ZBBX: variants seen among roughly 807,000 people sequenced by gnomAD.
The protein encoded by ZBBX is zinc finger B-box domain-containing protein 1.
In ZBBX, 101 loss-of-function variants were observed where a neutral mutation model predicts 108.5. The ratio of observed to expected loss-of-function variants is 0.93; its 90% CI spans 0.79 to 1.10. The LOEUF (loss-of-function observed/expected upper bound fraction) is 1.10, where lower values mean the gene tolerates loss of function less well. Ranked by LOEUF, ZBBX falls within the 50% of genes least tolerant of loss-of-function variation. The pLI is 0.00. For synonymous variants in ZBBX, 356 were observed against 323.4 expected (o/e 1.10, Z -1.08); for missense variants, 1,009 against 941.4 (o/e 1.07, Z -0.94).
chr3:167,366,924 C>T (rs773294016), intron 5 of ZBBX: 9 of 455,924 alleles, frequency 2.0e-5, no homozygotes, highest in South Asian at 1.4e-4. Flanking sequence ...ACTTTGTCAT[C>T]CTGGATGACA....
the ZBBX span, among the ~76,000 whole-genome samples, chr3:167,230,378 C>T: frequency 6.6e-6 from 1 of 151,684 alleles, no homozygotes; most frequent in Admixed American, 6.6e-5. Context: ...CATATGCCAT[C>T]AGGAAACATA....
intron 10 of ZBBX, among the ~76,000 whole-genome samples, chr3:167,333,287 T>C (rs1256963537): frequency 6.6e-6 from 1 of 152,072 alleles, no homozygotes; most frequent in Non-Finnish European, 1.5e-5. Context: ...AAATTTGAAG[T>C]TCATTTCTTG....
At chr3:167,295,750 TATATATATAAAA>T (rs199570374) in intron 18 of ZBBX, among the ~76,000 whole-genome samples, 5,108 of 21,160 alleles carry the variant, frequency 0.24, 778 homozygotes, top group African/African-American at 0.39. Flanking sequence ...TATATATATA[TATATATATAAAA>T]AAAACTAGTA....
At chr3:167,374,722 A>G (rs1746677137) in intron 2 of ZBBX, among the ~76,000 whole-genome samples, 1 of 152,208 alleles carries the variant, frequency 6.6e-6, no homozygotes, top group African/African-American at 2.4e-5. Flanking sequence ...CTAAATATAA[A>G]AGCCATAAAA....
chr3:167,326,678 G>A (rs1737432207), intron 11 of ZBBX, among the ~76,000 whole-genome samples: 1 of 152,026 alleles, frequency 6.6e-6, no homozygotes, highest in African/African-American at 2.4e-5. Flanking sequence ...CACAGCCAAT[G>A]AGAAATGAGG....
intron 11 of ZBBX, among the ~76,000 whole-genome samples, chr3:167,323,456 A>G (rs1377209816): frequency 3.3e-5 from 5 of 152,066 alleles, no homozygotes; most frequent in Non-Finnish European, 5.9e-5. Context: ...TATGTTGATA[A>G]CTGGACCTAC....
intron 20 of ZBBX, among the ~76,000 whole-genome samples, chr3:167,264,447 A>C (rs1219949670): frequency 6.6e-6 from 1 of 152,226 alleles, no homozygotes; most frequent in Non-Finnish European, 1.5e-5. Flanking sequence ...ACTGATGGCA[A>C]CTTAACACTG....
the ZBBX span, among the ~76,000 whole-genome samples, chr3:167,192,484 A>C: frequency 1.3e-5 from 2 of 152,102 alleles, no homozygotes; most frequent in Non-Finnish European, 2.9e-5. Context: ...TTCTGTTGAA[A>C]AGTCTGTATG....
At chr3:167,218,527 G>A in the ZBBX span, among the ~76,000 whole-genome samples, 2 of 152,006 alleles carry the variant, frequency 1.3e-5, no homozygotes, top group East Asian at 3.9e-4. Context: ...TTGCTTGTTT[G>A]TTTACGCAAT....
rs778189021 is a variant in ZBBX, at chr3:167,333,794, C to CT, written c.687+32_687+33insA. 8 of 1,523,606 alleles carry CT rather than the reference C, an allele frequency of 5.3e-6. No homozygotes were observed. In the East Asian group the frequency reaches 1.9e-4, roughly 35 times the overall value. 94.4% of individuals were successfully genotyped at this position (1,523,606 alleles called of 1,614,324 possible). On this transcript the variant is annotated intron_variant, in intron 10 of 21. Transcript: ENST00000675490. ...TGGCACCTGCCATAGTTACATATGT[C>CT]AGAAAATGTCTACTATATTTTCCTC...
chr3:167,231,552 T>C, the ZBBX span, among the ~76,000 whole-genome samples: 1 of 151,732 alleles, frequency 6.6e-6, no homozygotes, highest in African/African-American at 2.4e-5. Context: ...ATACAGCCAG[T>C]GAAAAAAATC....
chr3:167,247,387 A>T (rs2108337205), intron 20 of ZBBX, among the ~76,000 whole-genome samples: 1 of 152,274 alleles, frequency 6.6e-6, no homozygotes, highest in South Asian at 2.1e-4. Flanking sequence ...ACTCTAGGGG[A>T]AAACCATCTC....
At chr3:167,252,309 G>C in intron 20 of ZBBX, 1 of 704,956 alleles carries the variant, frequency 1.4e-6, no homozygotes, top group South Asian at 1.6e-5. Context: ...AGCATCCAGT[G>C]GTGTGGAGGT....
intron 2 of ZBBX, among the ~76,000 whole-genome samples, chr3:167,379,116 G>A (rs1021047896): frequency 5.3e-5 from 8 of 151,608 alleles, no homozygotes; most frequent in Admixed American, 5.3e-4. Flanking sequence ...CCTACCCTAC[G>A]GAAAAAATTA....
At chr3:167,258,788 A>G (rs1723962552) in intron 20 of ZBBX, among the ~76,000 whole-genome samples, 1 of 152,188 alleles carries the variant, frequency 6.6e-6, no homozygotes. Context: ...TGACTTGATT[A>G]TGGCAAACCA....
chr3:167,377,287 TCAGAG>T (rs1317038181), intron 2 of ZBBX, among the ~76,000 whole-genome samples: 4 of 152,092 alleles, frequency 2.6e-5, no homozygotes, highest in African/African-American at 4.8e-5. Context: ...AGGTAGAAAC[TCAGAG>T]CATTCAGCCA....
chr3:167,194,002 G>T, the ZBBX span, among the ~76,000 whole-genome samples: 2,021 of 151,982 alleles, frequency 0.013, 22 homozygotes, highest in South Asian at 0.026. Flanking sequence ...GAGAGGTTGG[G>T]AATGGGTACA....
chr3:167,204,375 A>G, the ZBBX span, among the ~76,000 whole-genome samples: 2 of 147,132 alleles, frequency 1.4e-5, no homozygotes, highest in South Asian at 2.2e-4. Context: ...ATATGTCCCA[A>G]TGCTATCCCT....
At chr3:167,360,215 G>A (rs1744288009) in intron 7 of ZBBX, among the ~76,000 whole-genome samples, 1 of 148,606 alleles carries the variant, frequency 6.7e-6, no homozygotes, top group Admixed American at 6.7e-5. Flanking sequence ...CAACATTTGT[G>A]TTTACTATCC....
Sources: gnomAD v4.1 joint callset for allele counts (sites outside exome capture counted in the v4.1 genomes callset) on GRCh38, gnomAD v4.1.1 for gene constraint, MANE v1.5 for transcripts, NCBI Gene and HGNC (gene_info 2026-07-23, HGNC 2026-07-21) for gene names.